Variants in GLIS3 observed in about 807,000 individuals in gnomAD.
GLIS3 encodes the protein zinc finger protein GLIS3.
In GLIS3, 53 loss-of-function variants were observed where a neutral mutation model predicts 78.6. The observed-to-expected ratio is 0.67, with a 90% CI of 0.54 to 0.85. The LOEUF is 0.85. GLIS3 is among the 40% of genes least tolerant of loss of function. The pLI is 0.00. For missense variants in GLIS3, 1,703 were observed against 1,231.1 expected, an observed-to-expected ratio of 1.38 and a Z score of -5.74; for synonymous variants, 684 against 509.9, an observed-to-expected ratio of 1.34 and a Z score of -4.60.
intron 3 of GLIS3, among the ~76,000 whole-genome samples, chr9:4,125,347 T>C (rs1192765694): frequency 1.3e-5 from 2 of 152,190 alleles, no homozygotes; most frequent in Admixed American, 1.3e-4. Context: ...AAACTCTGCA[T>C]CATATTCATA....
At chr9:4,303,510 G>A (rs1035681606), upstream of GLIS3, among the ~76,000 whole-genome samples, 5 of 152,118 alleles carry the variant, frequency 3.3e-5, no homozygotes, top group Non-Finnish European at 5.9e-5. Flanking sequence ...AGTATGTTCA[G>A]CCCAAACTCT....
chr9:3,898,429 GT>G, intron 7 of GLIS3: 1 of 510,184 alleles, frequency 2.0e-6, no homozygotes, highest in South Asian at 2.0e-5. Context: ...AACTGCGAGG[GT>G]TGGGTACACT....
At chr9:4,020,622 T>A (rs1822809955) in intron 4 of GLIS3, among the ~76,000 whole-genome samples, 1 of 152,240 alleles carries the variant, frequency 6.6e-6, no homozygotes, top group Non-Finnish European at 1.5e-5. Context: ...ATCAGGCTTT[T>A]CACCTTTGTT....
intron 4 of GLIS3, among the ~76,000 whole-genome samples, chr9:4,011,015 A>G (rs2130028350): frequency 6.6e-6 from 1 of 152,306 alleles, no homozygotes; most frequent in Non-Finnish European, 1.5e-5. Flanking sequence ...TGAGCTACTC[A>G]AGATGGATAG....
the GLIS3 span, among the ~76,000 whole-genome samples, chr9:4,466,577 G>A: frequency 3.3e-5 from 5 of 152,214 alleles, no homozygotes; most frequent in Non-Finnish European, 4.4e-5. Context: ...ATATATAAAG[G>A]ATAATACATC....
At chr9:4,350,656 C>T (rs1025393090), upstream of GLIS3, among the ~76,000 whole-genome samples, 7 of 152,162 alleles carry the variant, frequency 4.6e-5, no homozygotes, top group African/African-American at 1.7e-4. Flanking sequence ...GACAAAAAGA[C>T]CCCACCTTTG....
chr9:4,463,658 C>T, the GLIS3 span, among the ~76,000 whole-genome samples: 4 of 152,072 alleles, frequency 2.6e-5, no homozygotes, highest in Admixed American at 6.5e-5. Flanking sequence ...ATGGGAAGTA[C>T]AAGAAAGTGA....
intron 4 of GLIS3, among the ~76,000 whole-genome samples, chr9:4,113,355 C>A (rs899949915): frequency 6.6e-6 from 1 of 152,088 alleles, no homozygotes; most frequent in Non-Finnish European, 1.5e-5. Context: ...GGGTAGGCAC[C>A]TAGACACAGT....
chr9:3,882,159 C>G (rs1022339313), intron 7 of GLIS3, among the ~76,000 whole-genome samples: 1 of 152,134 alleles, frequency 6.6e-6, no homozygotes, highest in African/African-American at 2.4e-5. Flanking sequence ...ATCCTCGGTG[C>G]CTGGTATCTC....
At chr9:3,861,283 A>G (rs1412408915) in intron 8 of GLIS3, among the ~76,000 whole-genome samples, 1 of 152,144 alleles carries the variant, frequency 6.6e-6, no homozygotes, top group African/African-American at 2.4e-5. Context: ...GGCTCAACAG[A>G]AAGTGAGGCA....
chr9:4,201,260 T>C (rs1055370523), intron 2 of GLIS3, among the ~76,000 whole-genome samples: 1 of 152,122 alleles, frequency 6.6e-6, no homozygotes, highest in Non-Finnish European at 1.5e-5. Flanking sequence ...AGCATTCCCT[T>C]GAAAACTGGA....
intron 4 of GLIS3, among the ~76,000 whole-genome samples, chr9:4,031,302 G>A (rs1385651250): frequency 6.6e-6 from 1 of 152,160 alleles, no homozygotes; most frequent in Non-Finnish European, 1.5e-5. Flanking sequence ...ATATTATTCA[G>A]CTATAAAAAA....
chr9:4,116,920 G>A (rs1200816342), intron 4 of GLIS3, among the ~76,000 whole-genome samples: 1 of 152,188 alleles, frequency 6.6e-6, no homozygotes, highest in African/African-American at 2.4e-5. Flanking sequence ...GATCCCAAGG[G>A]TGATGCCCTG....
the GLIS3 span, among the ~76,000 whole-genome samples, chr9:4,371,406 C>G: frequency 6.6e-6 from 1 of 152,238 alleles, no homozygotes; most frequent in Non-Finnish European, 1.5e-5. Context: ...CTCCTCCTCC[C>G]CATAAGTGCT....
intron 4 of GLIS3, among the ~76,000 whole-genome samples, chr9:4,069,871 G>A (rs938437756): frequency 6.6e-6 from 1 of 151,928 alleles, no homozygotes; most frequent in African/African-American, 2.4e-5. Flanking sequence ...CCAGCTTGAG[G>A]TGTAACTCTG....
At chr9:3,895,980 C>A (rs916005070) in intron 7 of GLIS3, among the ~76,000 whole-genome samples, 8 of 152,160 alleles carry the variant, frequency 5.3e-5, no homozygotes, top group Non-Finnish European at 7.4e-5. Context: ...CAAATATTTT[C>A]TTGATTTTGT....
At chr9:4,441,616 C>CT in the GLIS3 span, among the ~76,000 whole-genome samples, 998 of 151,648 alleles carry the variant, frequency 6.6e-3, 6 homozygotes, top group African/African-American at 0.018. Context: ...TTTCCTTTTT[C>CT]TTTTTTTTGA....
At chr9:4,338,837 C>G (rs1817793529) in intron 2 of GLIS3, among the ~76,000 whole-genome samples, 2 of 152,112 alleles carry the variant, frequency 1.3e-5, no homozygotes, top group African/African-American at 4.8e-5. Context: ...CTCCAGAGAT[C>G]CTTATTTAAT....
intron 2 of GLIS3, among the ~76,000 whole-genome samples, chr9:4,224,212 C>G (rs1215826589): frequency 6.6e-6 from 1 of 152,170 alleles, no homozygotes; most frequent in Non-Finnish European, 1.5e-5. Context: ...CTATAGGGCT[C>G]AGTTTCCTCA....
Sources: gnomAD v4.1 joint callset for allele counts (sites outside exome capture counted in the v4.1 genomes callset) on GRCh38, gnomAD v4.1.1 for gene constraint, MANE v1.5 for transcripts, NCBI Gene and HGNC (gene_info 2026-07-23, HGNC 2026-07-21) for gene names.